The following DRD3 variants were observed in gnomAD, a reference collection of about 807,000 sequenced individuals.
DRD3 encodes dopamine receptor D3, also known as D(3) dopamine receptor.
A neutral mutation model predicts 36.3 loss-of-function variants in DRD3; 19 were observed. The ratio of observed to expected loss-of-function variants is 0.52; its 90% confidence interval spans 0.36 to 0.77. The LOEUF is 0.77. Among genes scored for constraint, DRD3 ranks in the 30% least tolerant of loss-of-function variants. DRD3 has a pLI of 0.00. For missense variants in DRD3, 465 were observed against 505.3 expected, an observed-to-expected ratio of 0.92 and a Z score of 0.77; for synonymous variants, 195 against 203.7, an observed-to-expected ratio of 0.96 and a Z score of 0.36.
chr3:114,166,067 C>A (rs1015712576), intron 2 of DRD3, among the ~76,000 whole-genome samples: 3 of 150,552 alleles, frequency 2.0e-5, no homozygotes, highest in East Asian at 3.9e-4. Context: ...CTCACTGCAA[C>A]CTCTGCCTCC....
chr3:114,136,261 C>G (rs891665877), intron 5 of DRD3, among the ~76,000 whole-genome samples: 17 of 151,878 alleles, frequency 1.1e-4, no homozygotes, highest in African/African-American at 4.1e-4. Context: ...AAACATTGAT[C>G]TAGTATACCC....
intron 5 of DRD3, among the ~76,000 whole-genome samples, chr3:114,136,914 C>G (rs9288991): frequency 0.083 from 12,569 of 152,214 alleles, 1,123 homozygotes; most frequent in African/African-American, 0.23. Flanking sequence ...CTTTCTCTGC[C>G]TGGTTTTTGC....
intron 2 of DRD3, among the ~76,000 whole-genome samples, chr3:114,163,356 G>A (rs897102362): frequency 3.9e-5 from 6 of 152,036 alleles, no homozygotes; most frequent in African/African-American, 1.4e-4. Context: ...GAATATGCTG[G>A]TAATTCTCAC....
chr3:114,176,212 A>C (rs1461954205), intron 1 of DRD3: 1 of 152,238 alleles, frequency 6.6e-6, no homozygotes, highest in Non-Finnish European at 1.5e-5. Flanking sequence ...AAACAAATGA[A>C]GATGAAGACA....
rs146118389 is a variant in DRD3, at chr3:114,185,922, C to T, written c.-155-7146G>A. ...TTGTAATTTTTTGTTGAAAAACAGA[C>T]ATTTGAAGTTAATAATGTGGTAACT... On this transcript the variant is annotated intron_variant, in intron 1 of 7. Transcript: ENST00000460779. Among the ~76,000 whole-genome samples, 17 of 152,262 alleles carry T rather than the reference C, an allele frequency of 1.1e-4. No individual in the cohort carries two copies. The East Asian group carries it at 3.1e-3, about 28-fold the overall frequency.
intron 3 of DRD3, among the ~76,000 whole-genome samples, chr3:114,156,927 C>CT (rs2077685588): frequency 7.0e-6 from 1 of 143,574 alleles, no homozygotes; most frequent in African/African-American, 2.6e-5. Context: ...TTCCTTCCTT[C>CT]CTTCTCTTTC....
chr3:114,145,497 T>C (rs72944652), intron 4 of DRD3, among the ~76,000 whole-genome samples: 3,339 of 152,276 alleles, frequency 0.022, 131 homozygotes, highest in African/African-American at 0.076. Context: ...AGGCAAATAT[T>C]TGTTGATAAG....
At chr3:114,132,730 G>A (rs957802899) in intron 5 of DRD3, among the ~76,000 whole-genome samples, 1 of 152,088 alleles carries the variant, frequency 6.6e-6, no homozygotes, top group South Asian at 2.1e-4. Flanking sequence ...CATAAGCCCC[G>A]AAATGTGGAG....
At chr3:114,199,039 C>T (rs536509986) in intron 1 of DRD3, among the ~76,000 whole-genome samples, 1 of 152,340 alleles carries the variant, frequency 6.6e-6, no homozygotes, top group East Asian at 1.9e-4. Flanking sequence ...ACCACTATGC[C>T]TAGCAAAAAA....
In DRD3 at chr3:114,171,973, A is replaced by T. The variant is rs1444191780; in HGVS notation, c.20T>A (p.Leu7Gln). Residue 7 changes from leucine to glutamine, a missense_variant, in exon 2 of 7, where the codon CTG (leucine) becomes CAG (glutamine). Leu to Gln is a moderately radical substitution (Grantham distance 113, BLOSUM62 -2). Coordinates refer to ENST00000383673, the MANE Select transcript of DRD3 (RefSeq NM_000796.6). ...ACAGGTGTAGTTCAGGTGGCCACTC[A>T]GCTGGCTCAGAGATGCCATAGCCCA... MASLSQ[L>Q]SGHLNYTCGA... is the part of the protein sequence containing the mutation. The T allele has an allele frequency of 6.7e-7, 1 of 1,488,922 alleles. No homozygotes were observed. The highest frequency in any genetic ancestry group is 1.4e-5 in the South Asian group (1 of 72,570). The allele number at this position is 1,488,922 out of a possible 1,614,324, so 92.2% of individuals were successfully genotyped here. A position where few individuals can be genotyped will look rare whatever the true frequency, so the allele number is the denominator to read the frequency against.
intron 1 of DRD3, among the ~76,000 whole-genome samples, chr3:114,174,059 ATTGTCCTTTATC>A (rs1559999419): frequency 6.6e-6 from 1 of 152,226 alleles, no homozygotes; most frequent in African/African-American, 2.4e-5. Context: ...GTTTAAAAAA[ATTGTCCTTTATC>A]TTGGCACACT....
At chr3:114,161,810 T>C (rs1227965209) in intron 2 of DRD3, among the ~76,000 whole-genome samples, 1 of 152,204 alleles carries the variant, frequency 6.6e-6, no homozygotes, top group Admixed American at 6.5e-5. Context: ...CATAGGACAG[T>C]TGCATACTGT....
At chr3:114,180,463 C>T (rs976660675), upstream of DRD3, among the ~76,000 whole-genome samples, 3 of 151,952 alleles carry the variant, frequency 2.0e-5, no homozygotes, top group African/African-American at 7.3e-5. Context: ...AGAAGAGGCA[C>T]CAGAAATGTG....
chr3:114,130,175 C>G (rs2077416445), intron 6 of DRD3, among the ~76,000 whole-genome samples: 1 of 152,154 alleles, frequency 6.6e-6, no homozygotes, highest in Non-Finnish European at 1.5e-5. Context: ...AGGAGGATTG[C>G]TTGAGCCCAG....
chr3:114,182,507 C>T (rs1388329755), upstream of DRD3, among the ~76,000 whole-genome samples: 2 of 152,176 alleles, frequency 1.3e-5, no homozygotes, highest in African/African-American at 4.8e-5. Context: ...ATCTACCCTT[C>T]TGTGTGCTTG....
At chr3:114,155,751 C>T (rs1217434587) in intron 3 of DRD3, among the ~76,000 whole-genome samples, 1 of 152,050 alleles carries the variant, frequency 6.6e-6, no homozygotes, top group Admixed American at 6.5e-5. Flanking sequence ...TATAGGCACA[C>T]TCTCAAGAGG....
intron 3 of DRD3, among the ~76,000 whole-genome samples, chr3:114,152,691 G>T (rs1439467876): frequency 6.6e-6 from 1 of 152,194 alleles, no homozygotes; most frequent in African/African-American, 2.4e-5. Context: ...CAGGCTCTGT[G>T]GGGAGGCAGA....
intron 2 of DRD3, among the ~76,000 whole-genome samples, chr3:114,169,400 A>G (rs1341043140): frequency 6.6e-6 from 1 of 150,522 alleles, no homozygotes; most frequent in Non-Finnish European, 1.5e-5. Context: ...AAGAGGTCCT[A>G]AAGCCAGTGA....
chr3:114,152,914 C>A (rs994516640), intron 3 of DRD3, among the ~76,000 whole-genome samples: 4 of 152,272 alleles, frequency 2.6e-5, no homozygotes, highest in Non-Finnish European at 2.9e-5. Context: ...GGCCGCTGCG[C>A]TCGCGGCGGT....
Sources: gnomAD v4.1 joint callset for allele counts (sites outside exome capture counted in the v4.1 genomes callset) on GRCh38, gnomAD v4.1.1 for gene constraint, MANE v1.5 for transcripts, NCBI Gene and HGNC (gene_info 2026-07-23, HGNC 2026-07-21) for gene names.